Variants in EXOC6B observed in about 807,000 individuals in gnomAD.
EXOC6B encodes the protein exocyst complex component 6B, also known as SEC15 homolog B.
EXOC6B carries 54 observed loss-of-function variants against 113.5 expected under a neutral mutation model. The observed-to-expected ratio is 0.48, with a 90% CI of 0.38 to 0.60. The LOEUF (loss-of-function observed/expected upper bound fraction) is 0.60, where lower values mean the gene tolerates loss of function less well. Among genes scored for constraint, EXOC6B ranks in the 20% least tolerant of loss-of-function variants. The pLI is 0.00. For synonymous variants in EXOC6B, 357 were observed against 339.0 expected (o/e 1.05, Z -0.58); for missense variants, 797 against 977.5 (o/e 0.82, Z 2.46).
intron 6 of EXOC6B, among the ~76,000 whole-genome samples, chr2:72,646,349 G>C (rs1297221183): frequency 6.6e-6 from 1 of 151,866 alleles, no homozygotes; most frequent in Non-Finnish European, 1.5e-5. Flanking sequence ...TTCACAGCTG[G>C]GTTCTACCAG....
chr2:72,580,834 G>A (rs143558752), intron 6 of EXOC6B, among the ~76,000 whole-genome samples: 2 of 152,326 alleles, frequency 1.3e-5, no homozygotes, highest in East Asian at 3.9e-4. Flanking sequence ...TTGAAAAGGA[G>A]CTGACAGAAA....
chr2:72,619,839 C>A lies in EXOC6B; in HGVS notation c.670-44171G>T, dbSNP rs571714286. 3.9e-5 allele frequency among the ~76,000 whole-genome samples: 6 copies of A among 152,270 alleles called. No homozygotes were observed. In the South Asian group the frequency reaches 1.2e-3, roughly 32 times the overall value. ...GTGTGAGCTAGCAGGGGGATCTCCC[C>A]AGGGAGCAGGCAGAGACAGGCTTTC... On this transcript the variant is annotated intron_variant, in intron 6 of 21. Coordinates refer to ENST00000272427, the MANE Select transcript of EXOC6B (RefSeq NM_015189.3).
chr2:72,740,192 A>T (rs919446441), intron 2 of EXOC6B, among the ~76,000 whole-genome samples: 6 of 152,230 alleles, frequency 3.9e-5, no homozygotes, highest in African/African-American at 1.4e-4. Flanking sequence ...CCTTAGTAAA[A>T]CTGTTTCTTT....
At chr2:72,381,852 A>G (rs539695539) in intron 18 of EXOC6B, among the ~76,000 whole-genome samples, 1 of 152,340 alleles carries the variant, frequency 6.6e-6, no homozygotes, top group African/African-American at 2.4e-5. Flanking sequence ...CAATGAAACA[A>G]AAGATATTTT....
At chr2:72,317,168 T>A (rs550748332) in intron 20 of EXOC6B, among the ~76,000 whole-genome samples, 13 of 151,578 alleles carry the variant, frequency 8.6e-5, no homozygotes, top group East Asian at 3.9e-4. Context: ...TTTTTTTTTT[T>A]AAATAGTAGG....
intron 6 of EXOC6B, among the ~76,000 whole-genome samples, chr2:72,665,088 G>A (rs1675294978): frequency 6.6e-6 from 1 of 152,314 alleles, no homozygotes; most frequent in East Asian, 1.9e-4. Flanking sequence ...TCCCTCCGCA[G>A]GGCCGGTCTG....
At chr2:72,591,373 A>G (rs1340124986) in intron 6 of EXOC6B, among the ~76,000 whole-genome samples, 1 of 152,124 alleles carries the variant, frequency 6.6e-6, no homozygotes, top group Non-Finnish European at 1.5e-5. Flanking sequence ...CTGATATTTT[A>G]TGAGTCCTTT....
intron 17 of EXOC6B, among the ~76,000 whole-genome samples, chr2:72,473,887 T>A (rs1698560490): frequency 6.6e-6 from 1 of 152,152 alleles, no homozygotes; most frequent in South Asian, 2.1e-4. Flanking sequence ...TGATAGCAAA[T>A]GTCACTCACT....
chr2:72,216,233 T>C (rs1364928434), intron 20 of EXOC6B, among the ~76,000 whole-genome samples: 1 of 152,076 alleles, frequency 6.6e-6, no homozygotes, highest in East Asian at 1.9e-4. Flanking sequence ...ATGTCTACTT[T>C]TTGGGCAAAG....
intron 18 of EXOC6B, among the ~76,000 whole-genome samples, chr2:72,436,005 C>T (rs1469086910): frequency 6.6e-6 from 1 of 152,168 alleles, no homozygotes; most frequent in Admixed American, 6.5e-5. Context: ...ATGGTCTTTA[C>T]ATTTTGATAT....
At chr2:72,564,850 A>G (rs547565578) in intron 7 of EXOC6B, among the ~76,000 whole-genome samples, 1 of 152,340 alleles carries the variant, frequency 6.6e-6, no homozygotes, top group East Asian at 1.9e-4. Context: ...ATCCTAAAAA[A>G]GCACAAAATT....
At chr2:72,323,286 T>TA (rs1280272750) in intron 20 of EXOC6B, among the ~76,000 whole-genome samples, 6 of 152,312 alleles carry the variant, frequency 3.9e-5, no homozygotes, top group Admixed American at 2.0e-4. Context: ...CACAATGAGA[T>TA]ACCATCTCAT....
At chr2:72,223,061 C>T (rs964367659) in intron 20 of EXOC6B, among the ~76,000 whole-genome samples, 2 of 152,046 alleles carry the variant, frequency 1.3e-5, no homozygotes, top group African/African-American at 2.4e-5. Context: ...TGATCTATAC[C>T]CCTGCCTCCA....
At chr2:72,183,056 C>T (rs1340054017) in intron 21 of EXOC6B, among the ~76,000 whole-genome samples, 1 of 152,114 alleles carries the variant, frequency 6.6e-6, no homozygotes, top group Non-Finnish European at 1.5e-5. Context: ...CTTGCCTACC[C>T]TTCATCTCTT....
chr2:72,599,812 G>T (rs1331406243), intron 6 of EXOC6B, among the ~76,000 whole-genome samples: 4 of 150,906 alleles, frequency 2.7e-5, no homozygotes, highest in African/African-American at 7.3e-5. Context: ...GCACCCCAAA[G>T]AAACAATTAC....
chr2:72,219,267 G>A (rs1250366701), intron 20 of EXOC6B, among the ~76,000 whole-genome samples: 1 of 151,898 alleles, frequency 6.6e-6, no homozygotes, highest in Non-Finnish European at 1.5e-5. Flanking sequence ...GTGGCAAGAG[G>A]GAGCAAGGGG....
intron 7 of EXOC6B, among the ~76,000 whole-genome samples, chr2:72,568,853 T>C (rs553827007): frequency 6.6e-6 from 1 of 151,270 alleles, no homozygotes; most frequent in Non-Finnish European, 1.5e-5. Context: ...TTTTGAATAA[T>C]CAATGAGAAT....
intron 1 of EXOC6B, among the ~76,000 whole-genome samples, chr2:72,781,969 T>G (rs2104994438): frequency 6.6e-6 from 1 of 151,848 alleles, no homozygotes. Context: ...TGAAACCCCA[T>G]CTCTACTAAA....
chr2:72,510,788 G>A (rs2105655524), intron 11 of EXOC6B, among the ~76,000 whole-genome samples: 1 of 151,710 alleles, frequency 6.6e-6, no homozygotes. Flanking sequence ...ACAACTCAAT[G>A]GGGAAAAAGT....
Sources: gnomAD v4.1 joint callset for allele counts (sites outside exome capture counted in the v4.1 genomes callset) on GRCh38, gnomAD v4.1.1 for gene constraint, MANE v1.5 for transcripts, NCBI Gene and HGNC (gene_info 2026-07-23, HGNC 2026-07-21) for gene names.